Variants in FRMD4A observed in about 807,000 individuals in gnomAD.
The protein encoded by FRMD4A is FERM domain containing 4A, also known as FERM domain-containing protein 4A.
A neutral mutation model predicts 129.1 loss-of-function variants in FRMD4A; 29 were observed. The observed-to-expected ratio is 0.22, with a 90% confidence interval of 0.17 to 0.31. FRMD4A has a LOEUF of 0.31. Among genes scored for constraint, FRMD4A ranks in the 10% least tolerant of loss-of-function variants. The pLI is 1.00. For synonymous variants in FRMD4A, 634 were observed against 571.6 expected (o/e 1.11, Z -1.56); for missense variants, 1,272 against 1,375.8 (o/e 0.92, Z 1.19).
intron 2 of FRMD4A, among the ~76,000 whole-genome samples, chr10:13,935,698 G>A (rs2095243738): frequency 6.6e-6 from 1 of 152,132 alleles, no homozygotes; most frequent in South Asian, 2.1e-4. Context: ...CACCTGCGAT[G>A]TGCCAGGGCT....
At chr10:14,116,495 C>T (rs1838204764) in intron 2 of FRMD4A, among the ~76,000 whole-genome samples, 1 of 152,128 alleles carries the variant, frequency 6.6e-6, no homozygotes, top group African/African-American at 2.4e-5. Context: ...CTTTGCTTGC[C>T]TTGGGGTCCA....
At chr10:13,815,325 T>C (rs1038750266) in intron 3 of FRMD4A, among the ~76,000 whole-genome samples, 2 of 152,172 alleles carry the variant, frequency 1.3e-5, no homozygotes, top group African/African-American at 4.8e-5. Context: ...TATTGTATGA[T>C]TGCACTTAGA....
chr10:14,191,029 A>G (rs1478248756), intron 2 of FRMD4A, among the ~76,000 whole-genome samples: 1 of 152,216 alleles, frequency 6.6e-6, no homozygotes, highest in Non-Finnish European at 1.5e-5. Flanking sequence ...AACCAACTTT[A>G]GCCAGTTCTT....
intron 3 of FRMD4A, among the ~76,000 whole-genome samples, chr10:13,813,314 G>T (rs916947669): frequency 6.6e-6 from 1 of 152,214 alleles, no homozygotes; most frequent in Non-Finnish European, 1.5e-5. Flanking sequence ...GCGTGGTGGC[G>T]TGTGCTTGTA....
At chr10:13,972,547 T>C (rs908711783) in intron 2 of FRMD4A, among the ~76,000 whole-genome samples, 2 of 152,238 alleles carry the variant, frequency 1.3e-5, no homozygotes, top group East Asian at 1.9e-4. Context: ...GTTTTTTTTT[T>C]CGCCCCGCAT....
chr10:13,871,601 A>G (rs2131086045), intron 2 of FRMD4A, among the ~76,000 whole-genome samples: 1 of 152,280 alleles, frequency 6.6e-6, no homozygotes, highest in East Asian at 1.9e-4. Flanking sequence ...TTAGCTTTGT[A>G]CAAAAGACTG....
chr10:13,692,670 T>C (rs1045938552), intron 15 of FRMD4A: 2 of 150,784 alleles, frequency 1.3e-5, no homozygotes, highest in African/African-American at 4.9e-5. Flanking sequence ...CTGGCTATGA[T>C]TGGATCACAC....
At chr10:13,982,050 G>T (rs1001536564) in intron 2 of FRMD4A, among the ~76,000 whole-genome samples, 1 of 152,114 alleles carries the variant, frequency 6.6e-6, no homozygotes, top group Non-Finnish European at 1.5e-5. Context: ...TCCCACAGGC[G>T]TAGCCATACA....
intron 2 of FRMD4A, among the ~76,000 whole-genome samples, chr10:13,859,875 G>A (rs2094269663): frequency 6.6e-6 from 1 of 152,156 alleles, no homozygotes. Flanking sequence ...AGGAAGCCTG[G>A]GAGACCCAAG....
intron 3 of FRMD4A, among the ~76,000 whole-genome samples, chr10:13,838,250 TA>T (rs1334264895): frequency 7.3e-6 from 1 of 137,506 alleles, no homozygotes; most frequent in Non-Finnish European, 1.6e-5. Context: ...CATGCAGAGC[TA>T]ATTTTTTTTT....
intron 23 of FRMD4A, chr10:13,652,192 A>T (rs1410755900): frequency 1.7e-6 from 1 of 585,978 alleles, no homozygotes; most frequent in East Asian, 2.8e-5. Context: ...GCCCTCTTTT[A>T]CCCATGGCCT....
chr10:14,001,410 T>C (rs370407087), intron 2 of FRMD4A, among the ~76,000 whole-genome samples: 1 of 152,164 alleles, frequency 6.6e-6, no homozygotes, highest in East Asian at 1.9e-4. Flanking sequence ...CCATTTTGCA[T>C]AGGATGCTGA....
chr10:14,263,722 C>G (rs1844883620), intron 2 of FRMD4A, among the ~76,000 whole-genome samples: 1 of 152,148 alleles, frequency 6.6e-6, no homozygotes. Flanking sequence ...AAGCAGGGTA[C>G]TGACAATGTT....
At chr10:14,054,410 G>C (rs924223317) in intron 2 of FRMD4A, among the ~76,000 whole-genome samples, 1 of 152,152 alleles carries the variant, frequency 6.6e-6, no homozygotes, top group Non-Finnish European at 1.5e-5. Context: ...TGTCCTAAGA[G>C]TCCACAGCCT....
intron 19 of FRMD4A, among the ~76,000 whole-genome samples, chr10:13,662,234 TC>T (rs1373237264): frequency 6.6e-6 from 1 of 152,128 alleles, no homozygotes; most frequent in Admixed American, 6.5e-5. Context: ...CCCAATGGCG[TC>T]CCCGGCTTGT....
Position 14,197,025 on chromosome 10 carries a change from G to A in FRMD4A, c.45+133033C>T, listed in dbSNP as rs1229356717. Among the ~76,000 whole-genome samples, 3 of 152,128 alleles carry A rather than the reference G, an allele frequency of 2.0e-5. No homozygotes were observed. The East Asian group carries it at 5.8e-4, about 29-fold the overall frequency. ...GGTGAATCCTAGAATTGCTATCACT[G>A]TTCTCAAAACCCCTGCCAGCCTGAA... On this transcript the variant is annotated intron_variant, in intron 2 of 24. Coordinates refer to ENST00000357447, the MANE Select transcript of FRMD4A (RefSeq NM_018027.5).
intron 2 of FRMD4A, among the ~76,000 whole-genome samples, chr10:14,178,796 A>G (rs1841817692): frequency 6.6e-6 from 1 of 152,156 alleles, no homozygotes; most frequent in African/African-American, 2.4e-5. Context: ...AAAAAAGTCA[A>G]TAAATATCAA....
chr10:14,003,877 C>T (rs1449920415), intron 2 of FRMD4A, among the ~76,000 whole-genome samples: 3 of 152,264 alleles, frequency 2.0e-5, no homozygotes, highest in African/African-American at 7.2e-5. Flanking sequence ...TGCCCCAAGG[C>T]AAACGCCCAG....
At chr10:13,815,223 A>G (rs1437405290) in intron 3 of FRMD4A, among the ~76,000 whole-genome samples, 1 of 152,224 alleles carries the variant, frequency 6.6e-6, no homozygotes, top group Non-Finnish European at 1.5e-5. Flanking sequence ...AGCATGGAAT[A>G]TTATTTCGCC....
Sources: gnomAD v4.1 joint callset for allele counts (sites outside exome capture counted in the v4.1 genomes callset) on GRCh38, gnomAD v4.1.1 for gene constraint, MANE v1.5 for transcripts, NCBI Gene and HGNC (gene_info 2026-07-23, HGNC 2026-07-21) for gene names.